RAB17: variants seen among roughly 807,000 people sequenced by gnomAD.
RAB17 encodes the protein ras-related protein Rab-17.
Under a neutral mutation model 19.3 loss-of-function variants are expected in RAB17, and 15 were observed. That is an observed-to-expected ratio of 0.78 (90% CI 0.52 to 1.20). The LOEUF (loss-of-function observed/expected upper bound fraction) is 1.20. RAB17 is among the 50% of genes most tolerant of loss of function. The probability of loss-of-function intolerance (pLI) is 0.00; values close to 1 mark genes in which losing one functional copy is unlikely to be tolerated. For missense variants in RAB17, 262 were observed against 269.3 expected (o/e 0.97, Z 0.19); for synonymous variants, 110 against 112.8 (o/e 0.97, Z 0.16).
intron 4 of RAB17, chr2:237,575,701 T>C (rs13414095): frequency 5.9e-6 from 3 of 511,540 alleles, no homozygotes; most frequent in African/African-American, 5.8e-5. Flanking sequence ...GCTGGCGGGG[T>C]GCGGCCTTCC....
In RAB17 at chr2:237,578,016, G is replaced by A. The variant is rs374122298; in HGVS notation, c.297C>T (p.Asp99=). 6.2e-7 allele frequency: 1 copy of A among 1,605,744 alleles called. No individual in the cohort carries two copies. Among genetic ancestry groups the A allele is most frequent in the African/African-American group, 1.3e-5 (1 of 74,816 alleles). ...RGANAALLVY[D]ITRKDSFLKA... is the part of the protein sequence containing the mutation. ...AGGCGGGCCCTACCTTCCTGGTGAT[G>A]TCGTACACCAGAAGCGCAGCGTTGG... Residue 99 remains aspartate, a synonymous_variant, in exon 3 of 6, where the codon GAC becomes GAT. Transcript: ENST00000264601.
intron 2 of RAB17, among the ~76,000 whole-genome samples, chr2:237,581,312 T>C (rs2081306817): frequency 6.6e-6 from 1 of 150,526 alleles, no homozygotes; most frequent in African/African-American, 2.5e-5. Context: ...AGGTTGAGGC[T>C]ACAGTGAGCT....
At chr2:237,590,321 GCACAGA>G (rs1169506154) in intron 1 of RAB17, 140 bp downstream of exon 1, 1 of 152,122 alleles carries the variant, frequency 6.6e-6, no homozygotes, top group African/African-American at 2.4e-5. Context: ...ATGGGCACAT[GCACAGA>G]CACAAACAAA....
rs1013430053 is a variant in RAB17, at chr2:237,578,388, G to A, written c.158-233C>T. 8.6e-6 allele frequency: 4 copies of A among 462,544 alleles called. No homozygotes were observed. The East Asian group carries it at 1.3e-4, about 15-fold the overall frequency. 28.7% of individuals were successfully genotyped at this position (462,544 alleles called of 1,614,324 possible). A position where few individuals can be genotyped will look rare whatever the true frequency, so the allele number is the denominator to read the frequency against. The stretch of plus-strand genomic sequence containing the variant: ...GCTATGGGGCCTTTGGAGAGGCTTT[G>A]GATGGGAAGATAAATCTCTCCAGGA... On this transcript the variant is annotated intron_variant, in intron 2 of 5. Coordinates refer to ENST00000264601, the MANE Select transcript of RAB17 (RefSeq NM_022449.4).
intron 2 of RAB17, chr2:237,578,900 A>AAC (rs59320284): frequency 0.16 from 23,011 of 143,020 alleles, 1,841 homozygotes; most frequent in South Asian, 0.19. Flanking sequence ...GTACCTGCTT[A>AAC]ACACACACAC....
chr2:237,584,482 A>G (rs1299235504), intron 2 of RAB17, among the ~76,000 whole-genome samples: 1 of 152,100 alleles, frequency 6.6e-6, no homozygotes, highest in African/African-American at 2.4e-5. Flanking sequence ...GCCATTTTAG[A>G]GTGAATAGAG....
At chr2:237,587,968 T>A (rs2081363968) in intron 1 of RAB17, among the ~76,000 whole-genome samples, 1 of 152,260 alleles carries the variant, frequency 6.6e-6, no homozygotes, top group South Asian at 2.1e-4. Flanking sequence ...GTCTAGCACA[T>A]AGTAAGTACT....
At chr2:237,580,758 G>A (rs548148222) in intron 2 of RAB17, among the ~76,000 whole-genome samples, 1 of 151,954 alleles carries the variant, frequency 6.6e-6, no homozygotes, top group Non-Finnish European at 1.5e-5. Flanking sequence ...AAAAAGAAGG[G>A]GGGGGAGGAG....
intron 4 of RAB17, among the ~76,000 whole-genome samples, chr2:237,576,296 C>T (rs1574932029): frequency 2.0e-5 from 3 of 152,178 alleles, no homozygotes; most frequent in African/African-American, 4.8e-5. Flanking sequence ...CCCAGACAGA[C>T]GCTCCAAACC....
intron 4 of RAB17, chr2:237,576,505 T>C (rs1044426180): frequency 3.7e-5 from 17 of 454,516 alleles, no homozygotes; most frequent in African/African-American, 2.4e-4. Flanking sequence ...TCCCCCGAGA[T>C]TCTCCAAAAT....
rs1406162154 is a variant in RAB17 at position 237,575,238 on chromosome 2, C to T, written c.530-110G>A. The T allele has an allele frequency of 6.5e-6, 7 of 1,082,754 alleles. No homozygotes were observed. The East Asian group carries it at 1.0e-4, about 16-fold the overall frequency. The allele number at this position is 1,082,754 out of a possible 1,614,324, so 67.1% of individuals were successfully genotyped here. A position where few individuals can be genotyped will look rare whatever the true frequency, so the allele number is the denominator to read the frequency against. Reference sequence around the variant, plus strand: ...CGCCCCTCCTGTGTTTACCCTGAACCATAGAACAAGGGCCTCCTGCCCCTC... The same window carrying T: ...CGCCCCTCCTGTGTTTACCCTGAACTATAGAACAAGGGCCTCCTGCCCCTC... On this transcript the variant is annotated intron_variant, in intron 5 of 5. Coordinates refer to ENST00000264601, the MANE Select transcript of RAB17 (RefSeq NM_022449.4).
chr2:237,588,565 G>A (rs1160244966), intron 1 of RAB17, among the ~76,000 whole-genome samples: 1 of 152,144 alleles, frequency 6.6e-6, no homozygotes, highest in African/African-American at 2.4e-5. Flanking sequence ...AAGGGGAAAG[G>A]GTAGCGGGGG....
chr2:237,578,019 GT>G lies in RAB17; in HGVS notation c.293del (p.Tyr98SerfsTer16). On this transcript the variant is annotated frameshift_variant, in exon 3 of 6. Coordinates refer to ENST00000264601, the MANE Select transcript of RAB17 (RefSeq NM_022449.4). LOFTEE classifies it high-confidence loss of function. ...FRGANAALLV[Y>X]DITRKDSFLK... Reference sequence around the variant, plus strand: ...CGGGCCCTACCTTCCTGGTGATGTCGTACACCAGAAGCGCAGCGTTGGCACC... The same window carrying G: ...CGGGCCCTACCTTCCTGGTGATGTCGACACCAGAAGCGCAGCGTTGGCACC... 6.2e-7 allele frequency: 1 copy of G among 1,606,600 alleles called. No homozygotes were observed. Among genetic ancestry groups the G allele is most frequent in the East Asian group, 2.2e-5 (1 of 44,658 alleles).
chr2:237,577,559 G>C (rs534343441), intron 3 of RAB17, 177 bp from the exon 4 acceptor site: 7 of 682,294 alleles, frequency 1.0e-5, no homozygotes, highest in Admixed American at 9.2e-5. Flanking sequence ...TTCCTGTCCT[G>C]GGTGACCTGT....
At chr2:237,590,250 A>G (rs1174181326) in intron 1 of RAB17, among the ~76,000 whole-genome samples, 1 of 152,064 alleles carries the variant, frequency 6.6e-6, no homozygotes, top group Non-Finnish European at 1.5e-5. Context: ...CGACTTAGTG[A>G]GCCATCAGAA....
chr2:237,589,796 C>T (rs1366808353), intron 1 of RAB17, among the ~76,000 whole-genome samples: 1 of 152,112 alleles, frequency 6.6e-6, no homozygotes, highest in Non-Finnish European at 1.5e-5. Flanking sequence ...TAACTTGGGG[C>T]TTTTTAATCT....
rs2081347272 is a variant in RAB17, at chr2:237,586,031, T to G, written c.124A>C (p.Asn42His). 1 of 1,612,638 alleles carries G rather than the reference T, an allele frequency of 6.2e-7. No homozygotes were observed. Among genetic ancestry groups the G allele is most frequent in the African/African-American group, 1.3e-5 (1 of 74,808 alleles). The change falls in exon 2 of 6, where the codon AAC becomes CAC. Residue 42 changes from asparagine to histidine, a missense_variant. Transcript: ENST00000264601. ...KSSLALRYVKNDFKSILPTVG... is the reference protein window; with the variant it reads ...KSSLALRYVKHDFKSILPTVG... ...GTAGGCAGGATACTCTTGAAGTCGT[T>G]CTTCACGTACCGAAGAGCCAAGCTG...
chr2:237,586,275 A>G, intron 1 of RAB17, 118 bp from the exon 2 acceptor site: 10 of 1,019,534 alleles, frequency 9.8e-6, no homozygotes, highest in African/African-American at 1.7e-5. Flanking sequence ...AGAGCTCCCA[A>G]CTCAGAGGCC....
chr2:237,582,507 T>A (rs2081316461), intron 2 of RAB17, among the ~76,000 whole-genome samples: 1 of 152,218 alleles, frequency 6.6e-6, no homozygotes, highest in African/African-American at 2.4e-5. Context: ...TGGCCATCCA[T>A]CCTGTCCCTC....
Sources: allele counts gnomAD v4.1 joint callset (sites outside exome capture counted in the v4.1 genomes callset), GRCh38; gene constraint gnomAD v4.1.1; transcripts MANE v1.5; gene names NCBI Gene and HGNC (gene_info 2026-07-23, HGNC 2026-07-21).